Variants in PCSK5 observed in about 807,000 individuals in gnomAD.
PCSK5 encodes the protein proprotein convertase subtilisin/kexin type 5.
A neutral mutation model predicts 233.2 loss-of-function variants in PCSK5; 129 were observed. That is an observed-to-expected ratio of 0.55 (90% CI 0.48 to 0.64). The LOEUF (loss-of-function observed/expected upper bound fraction) is 0.64. Ranked by LOEUF, PCSK5 falls within the 30% of genes least tolerant of loss-of-function variation. The probability of loss-of-function intolerance (pLI) is 0.00; values close to 1 mark genes in which losing one functional copy is unlikely to be tolerated. For synonymous variants in PCSK5, 825 were observed against 879.2 expected (o/e 0.94, Z 1.09); for missense variants, 2,076 against 2,430.1 (o/e 0.85, Z 3.06).
At chr9:76,302,279 C>T (rs1051745320) in intron 28 of PCSK5, 62 bp downstream of exon 28, 39 of 752,536 alleles carry the variant, frequency 5.2e-5, no homozygotes, top group Middle Eastern at 2.9e-4. Context: ...AGATGGTCTC[C>T]GTGGAGAAAT....
At chr9:76,157,228 A>G (rs1822625785) in intron 11 of PCSK5, 66 bp downstream of exon 11, 1 of 1,014,400 alleles carries the variant, frequency 9.9e-7, no homozygotes, top group South Asian at 1.3e-5. Flanking sequence ...TCAATTGCTC[A>G]AGACAGCCTC....
chr9:75,995,323 G>GAT (rs1264765701), intron 3 of PCSK5, among the ~76,000 whole-genome samples: 6 of 152,132 alleles, frequency 3.9e-5, no homozygotes, highest in South Asian at 2.1e-4. Context: ...CACAGTTCCT[G>GAT]ATATATATAT....
chr9:76,165,906 C>T (rs1179900512), intron 12 of PCSK5, among the ~76,000 whole-genome samples: 1 of 148,992 alleles, frequency 6.7e-6, no homozygotes, highest in African/African-American at 2.4e-5. Flanking sequence ...TAGCAGGTGT[C>T]CATGGTTCGA....
Position 76,176,096 on chromosome 9 carries a change from T to G in PCSK5, c.1900+967T>G, listed in dbSNP as rs1180418889. Among the ~76,000 whole-genome samples, 4 of 152,212 alleles carry G rather than the reference T, an allele frequency of 2.6e-5. No individual in the cohort carries two copies. In the East Asian group the frequency reaches 7.7e-4, roughly 29 times the overall value. On this transcript the variant is annotated intron_variant, in intron 14 of 37. Coordinates refer to ENST00000674117, the MANE Select transcript of PCSK5 (RefSeq NM_001372043.1). ...TGATATTTTGCAGAAGTTTTATCCT[T>G]TAATGTCTACTGAATATTCACATGC... is the stretch of plus-strand genomic sequence containing the variant.
chr9:76,074,431 A>C, intron 7 of PCSK5, among the ~76,000 whole-genome samples: 1 of 152,248 alleles, frequency 6.6e-6, no homozygotes, highest in Admixed American at 6.5e-5. Context: ...ATAACTATCA[A>C]TAAGAACAGA....
In PCSK5 at chr9:75,988,502, G is replaced by A. The variant is rs576410305; in HGVS notation, c.411+2257G>A. Among the ~76,000 whole-genome samples, 13 of 151,916 alleles carry A rather than the reference G, an allele frequency of 8.6e-5. No individual in the cohort carries two copies. The East Asian group carries it at 9.7e-4, about 11-fold the overall frequency. ...TCACCATGTTGCCCAGGCTTGTCTC[G>A]ACCTCCTGGACTCAAGTGATCCTCC... On this transcript the variant is annotated intron_variant, in intron 3 of 37. Transcript: ENST00000674117.
At chr9:76,236,950 C>A (rs1003149942) in intron 22 of PCSK5, among the ~76,000 whole-genome samples, 3 of 152,144 alleles carry the variant, frequency 2.0e-5, no homozygotes, top group African/African-American at 7.2e-5. Context: ...TATTTAGAGC[C>A]TTAGACTCCC....
intron 20 of PCSK5, among the ~76,000 whole-genome samples, chr9:76,205,638 G>A (rs886460457): frequency 3.3e-5 from 5 of 152,190 alleles, no homozygotes; most frequent in African/African-American, 1.2e-4. Flanking sequence ...GATACAGGCA[G>A]GTGCTTTAAA....
intron 24 of PCSK5, among the ~76,000 whole-genome samples, chr9:76,270,787 G>A (rs1587822314): frequency 6.6e-6 from 1 of 152,170 alleles, no homozygotes; most frequent in Admixed American, 6.5e-5. Flanking sequence ...TAAAGTGGGT[G>A]TGTGAATATT....
At chr9:76,217,385 G>A (rs1240514473) in intron 20 of PCSK5, among the ~76,000 whole-genome samples, 1 of 152,242 alleles carries the variant, frequency 6.6e-6, no homozygotes. Flanking sequence ...ACTCACTGGA[G>A]TAGCAACAGC....
At chr9:75,980,361 G>C (rs1242079386) in intron 2 of PCSK5, among the ~76,000 whole-genome samples, 2 of 152,154 alleles carry the variant, frequency 1.3e-5, no homozygotes, top group African/African-American at 4.8e-5. Flanking sequence ...TGGTAACACT[G>C]TTCTGAATGT....
intron 24 of PCSK5, among the ~76,000 whole-genome samples, chr9:76,256,889 T>C (rs1827000854): frequency 6.6e-6 from 1 of 152,220 alleles, no homozygotes; most frequent in Non-Finnish European, 1.5e-5. Context: ...TTCTATCCTG[T>C]TTTATAAAGG....
At chr9:76,217,778 C>T (rs1301449220) in intron 20 of PCSK5, among the ~76,000 whole-genome samples, 2 of 152,212 alleles carry the variant, frequency 1.3e-5, no homozygotes, top group Admixed American at 1.3e-4. Flanking sequence ...GGATTCCACA[C>T]TCTGGACAGC....
At chr9:76,088,207 G>C (rs1294144212) in intron 7 of PCSK5, among the ~76,000 whole-genome samples, 1 of 152,202 alleles carries the variant, frequency 6.6e-6, no homozygotes, top group Non-Finnish European at 1.5e-5. Flanking sequence ...CAGGAACTGG[G>C]CTGCTGGAAG....
At chr9:76,047,867 G>A (rs1829478657) in intron 5 of PCSK5, among the ~76,000 whole-genome samples, 1 of 152,040 alleles carries the variant, frequency 6.6e-6, no homozygotes. Context: ...AGTCATTCTT[G>A]TATCAAACAA....
chr9:76,240,206 T>G (rs1826387382), intron 23 of PCSK5, among the ~76,000 whole-genome samples: 1 of 152,222 alleles, frequency 6.6e-6, no homozygotes, highest in Non-Finnish European at 1.5e-5. Context: ...CTGTTTCTCC[T>G]TAATGTTTAT....
At chr9:75,891,473 T>G in intron 1 of PCSK5, 100 bp downstream of exon 1, 1 of 973,624 alleles carries the variant, frequency 1.0e-6, no homozygotes, top group Non-Finnish European at 1.5e-6. Flanking sequence ...AGATGTGCTC[T>G]AGCAGCTGTT....
At chr9:75,973,655 T>C (rs1825894543) in intron 2 of PCSK5, among the ~76,000 whole-genome samples, 2 of 152,186 alleles carry the variant, frequency 1.3e-5, no homozygotes, top group Non-Finnish European at 2.9e-5. Flanking sequence ...TCCTCTACTT[T>C]TCTTCACTCT....
In PCSK5 at chr9:76,358,750, A is replaced by G. The variant is rs1830367277; in HGVS notation, c.5492A>G (p.Glu1831Gly). The change falls in exon 38 of 38, where the codon GAG becomes GGG. Residue 1831 changes from glutamate (E) to glycine (G), a missense_variant. By Grantham distance (98) the Glu-to-Gly change is moderately conservative. This residue lies in a region of PCSK5 where 1,510 missense variants were observed against 1,538.1 expected (regional missense o/e 0.98). Coordinates refer to ENST00000674117, the MANE Select transcript of PCSK5 (RefSeq NM_001372043.1). ...SSYRESTSFE[E>G]DQVIEYRDRD... Reference sequence around the variant, plus strand: ...TATAGAGAGAGCACCAGCTTTGAAGAGGATCAGGTGATTGAGTACAGGGAT... The same window carrying G: ...TATAGAGAGAGCACCAGCTTTGAAGGGGATCAGGTGATTGAGTACAGGGAT... 1 of 1,612,840 alleles carries G rather than the reference A, an allele frequency of 6.2e-7. No homozygotes were observed. The highest frequency in any genetic ancestry group is 8.5e-7 in the Non-Finnish European group (1 of 1,179,904).
Sources: allele counts gnomAD v4.1 joint callset (sites outside exome capture counted in the v4.1 genomes callset), GRCh38; gene constraint gnomAD v4.1.1; regional missense constraint gnomAD v4.1.1; transcripts MANE v1.5; gene names NCBI Gene and HGNC (gene_info 2026-07-23, HGNC 2026-07-21).